IDE: variants seen among roughly 807,000 people sequenced by gnomAD.
IDE encodes the protein insulin degrading enzyme.
Under a neutral mutation model 133.2 loss-of-function variants are expected in IDE, and 58 were observed. The observed-to-expected ratio is 0.44, with a 90% confidence interval of 0.35 to 0.54. IDE has a LOEUF of 0.54. IDE is among the 20% of genes least tolerant of loss of function. The pLI is 0.00. For missense variants in IDE, 981 were observed against 1,234.0 expected (o/e 0.79, Z 3.07); for synonymous variants, 396 against 421.3 (o/e 0.94, Z 0.73).
intron 1 of IDE, among the ~76,000 whole-genome samples, chr10:92,549,024 G>C (rs561508494): frequency 6.6e-6 from 1 of 152,168 alleles, no homozygotes; most frequent in East Asian, 1.9e-4. Context: ...TTGGGAGGCT[G>C]AGGCGGGCGG....
intron 11 of IDE, among the ~76,000 whole-genome samples, chr10:92,501,419 C>A (rs1206786156): frequency 7.0e-5 from 10 of 142,542 alleles, no homozygotes; most frequent in Middle Eastern, 8.0e-3. Flanking sequence ...CGCCTGTAAT[C>A]CCAGCACTTT....
At chr10:92,555,497 CAAAAA>C (rs71306837) in intron 1 of IDE, among the ~76,000 whole-genome samples, 1 of 91,996 alleles carries the variant, frequency 1.1e-5, no homozygotes, top group Non-Finnish European at 2.2e-5. Flanking sequence ...AACTTTGTCT[CAAAAA>C]AAAAAAAAAA....
intron 4 of IDE, among the ~76,000 whole-genome samples, chr10:92,524,363 T>TAATATATATTATATTATA (rs57975380): frequency 2.1e-4 from 2 of 9,662 alleles, no homozygotes; most frequent in African/African-American, 6.7e-4. Context: ...ATATTTTATA[T>TAATATATATTATATTATA]TATAATATAT....
intron 1 of IDE, 86 bp downstream of exon 1, chr10:92,573,836 A>T (rs1843920638): frequency 2.2e-6 from 2 of 929,632 alleles, no homozygotes; most frequent in Non-Finnish European, 3.0e-6. Flanking sequence ...TGGCGGCTTT[A>T]AGTGCTGAAT....
At chr10:92,459,415 T>G (rs1845233528) in intron 22 of IDE, among the ~76,000 whole-genome samples, 1 of 152,180 alleles carries the variant, frequency 6.6e-6, no homozygotes, top group Non-Finnish European at 1.5e-5. Context: ...AAGCACTGAC[T>G]CCTATGCTGG....
In IDE at chr10:92,537,545, T is replaced by C. The variant is rs150222032; in HGVS notation, c.104A>G (p.Gln35Arg). The C allele has an allele frequency of 3.6e-4, 569 of 1,588,332 alleles. 2 individuals are homozygous for C. The highest frequency in any genetic ancestry group is 8.4e-4 in the Middle Eastern group (5 of 5,948). ...LPPPERLCGF[Q>R]KKTYSKMNNP... is the part of the protein sequence containing the mutation. ...ATTCATTTTGCTGTAAGTCTTTTTTTGGAAACTGAAAAGAAAGAGATTTTT... is the reference window on the plus strand; with the variant it reads ...ATTCATTTTGCTGTAAGTCTTTTTTCGGAAACTGAAAAGAAAGAGATTTTT... The change falls in exon 2 of 25, where the codon CAA becomes CGA. Residue 35 changes from glutamine to arginine, a missense_variant. Gln to Arg is a conservative substitution (Grantham distance 43, BLOSUM62 1). This residue lies in a region of IDE where 321 missense variants were observed against 339.3 expected (regional missense o/e 0.95). Coordinates refer to ENST00000265986, the MANE Select transcript of IDE (RefSeq NM_004969.4).
At chr10:92,479,577 A>T (rs1218678541) in intron 14 of IDE, 156 bp from the exon 15 acceptor site, 8 of 610,724 alleles carry the variant, frequency 1.3e-5, no homozygotes, top group Admixed American at 2.9e-5. Context: ...AAAAAAAAGA[A>T]GATGTCTGAA....
Position 92,468,898 on chromosome 10 carries a change from T to C in IDE, c.2301A>G (p.Arg767=). 1 of 1,604,602 alleles carries C rather than the reference T, an allele frequency of 6.2e-7. No individual in the cohort carries two copies. ...PLLPSQLVRY[R]EVQLPDRGWF... ...ACTTACTGTCAGGGAGCTGAACTTC[T>C]CTATACCGAACCAGCTGACTTGGAA... The change falls in exon 19 of 25, where the codon AGA becomes AGG. Residue 767 remains arginine, a synonymous_variant. Coordinates refer to ENST00000265986, the MANE Select transcript of IDE (RefSeq NM_004969.4).
At chr10:92,464,121 C>T in intron 20 of IDE, 118 bp from the exon 21 acceptor site, 1 of 1,011,076 alleles carries the variant, frequency 9.9e-7, no homozygotes, top group Non-Finnish European at 1.5e-6. Flanking sequence ...TTAGAGTATT[C>T]ACCTCTTAAA....
rs201388130 is a variant in IDE at position 92,488,768 on chromosome 10, CTCTG to C, written c.1534-1454_1534-1451del. 5.7e-3 allele frequency among the ~76,000 whole-genome samples: 837 copies of C among 146,000 alleles called. 11 individuals carry two copies. Among genetic ancestry groups the C allele is most frequent in the African/African-American group, 0.022 (803 of 37,204 alleles). ...CTCCAGCCCAGGCAACAGTACGAGA[CTCTG>C]TCTAAAAAAAAAAAAAGAAAAAACA... On this transcript the variant is annotated intron_variant, in intron 12 of 24. Transcript: ENST00000265986.
chr10:92,477,884 A>G (rs1384205764), intron 15 of IDE, among the ~76,000 whole-genome samples: 1 of 152,230 alleles, frequency 6.6e-6, no homozygotes, highest in East Asian at 1.9e-4. Flanking sequence ...TATACATTAA[A>G]CAAAAGCTAC....
chr10:92,543,398 A>G (rs1231047510), intron 1 of IDE, among the ~76,000 whole-genome samples: 1 of 152,244 alleles, frequency 6.6e-6, no homozygotes, highest in Non-Finnish European at 1.5e-5. Context: ...ACTATTAATA[A>G]TACATGAACT....
At chr10:92,558,105 T>C (rs1255153515) in intron 1 of IDE, among the ~76,000 whole-genome samples, 1 of 152,138 alleles carries the variant, frequency 6.6e-6, no homozygotes. Context: ...CAGGCTGGAG[T>C]GCAAAGGCGT....
At chr10:92,523,084 T>A (rs1252880688) in intron 4 of IDE, among the ~76,000 whole-genome samples, 1 of 152,120 alleles carries the variant, frequency 6.6e-6, no homozygotes, top group African/African-American at 2.4e-5. Context: ...AGAGAAAATT[T>A]GGGCTCATTT....
intron 2 of IDE, 54 bp downstream of exon 2, chr10:92,537,312 C>T: frequency 1.5e-6 from 2 of 1,363,694 alleles, no homozygotes; most frequent in Non-Finnish European, 2.0e-6. Context: ...TAATAAATGT[C>T]AGCATTAGGT....
rs143261776 is a variant in IDE at position 92,499,218 on chromosome 10, C to T, written c.1430+5576G>A. 2.0e-3 allele frequency among the ~76,000 whole-genome samples: 306 copies of T among 151,640 alleles called. 1 individual carries two copies. Among genetic ancestry groups the T allele is most frequent in the African/African-American group, 7.1e-3 (294 of 41,376 alleles). The stretch of plus-strand genomic sequence containing the variant: ...TTTTTTTTTGAGATGGAGTTTTGCT[C>T]TTTTGCCCAGGGTGGAGTCAAGTGG... On this transcript the variant is annotated intron_variant, in intron 11 of 24. Coordinates refer to ENST00000265986, the MANE Select transcript of IDE (RefSeq NM_004969.4).
intron 1 of IDE, among the ~76,000 whole-genome samples, chr10:92,559,934 A>AC (rs1843199471): frequency 6.6e-6 from 1 of 151,966 alleles, no homozygotes; most frequent in African/African-American, 2.4e-5. Flanking sequence ...ATAGGGTCCC[A>AC]CTATGTTGCA....
Position 92,465,729 on chromosome 10 carries a change from C to CA in IDE, c.2434dup (p.Cys812LeufsTer30). On this transcript the variant is annotated frameshift_variant, in exon 20 of 25. Coordinates refer to ENST00000265986, the MANE Select transcript of IDE (RefSeq NM_004969.4). LOFTEE classifies it high-confidence loss of function. ...GAAGCAAGGTTCCGAGATAATCTGA[C>CA]AGAAGAGCTCCAGAAACATATTCTC... 1 of 1,614,086 alleles carries CA rather than the reference C, an allele frequency of 6.2e-7. No homozygotes were observed.
At chr10:92,465,425 C>A (rs575269757) in intron 20 of IDE, among the ~76,000 whole-genome samples, 2 of 152,292 alleles carry the variant, frequency 1.3e-5, no homozygotes, top group Admixed American at 6.5e-5. Flanking sequence ...CCTTTTCCCC[C>A]ACCTAAAATG....
Sources: gnomAD v4.1 joint callset for allele counts (sites outside exome capture counted in the v4.1 genomes callset) on GRCh38, gnomAD v4.1.1 for gene constraint, gnomAD v4.1.1 regional missense constraint, MANE v1.5 for transcripts, NCBI Gene and HGNC (gene_info 2026-07-23, HGNC 2026-07-21) for gene names.